SUPT3H: variants seen among roughly 807,000 people sequenced by gnomAD.
SUPT3H encodes the protein transcription initiation protein SPT3 homolog.
A neutral mutation model predicts 44.3 loss-of-function variants in SUPT3H; 44 were observed. That is an observed-to-expected ratio of 0.99 (90% CI 0.78 to 1.28). The LOEUF is 1.28. SUPT3H is among the 50% of genes most tolerant of loss of function. The probability of loss-of-function intolerance (pLI) is 0.00; values close to 1 mark genes in which losing one functional copy is unlikely to be tolerated. For missense variants in SUPT3H, 380 were observed against 387.1 expected (o/e 0.98, Z 0.15); for synonymous variants, 124 against 125.6 (o/e 0.99, Z 0.09).
At chr6:45,013,882 T>G (rs1181096845) in intron 5 of SUPT3H, among the ~76,000 whole-genome samples, 1 of 151,988 alleles carries the variant, frequency 6.6e-6, no homozygotes, top group Non-Finnish European at 1.5e-5. Context: ...TGAAGAGTGA[T>G]CATGTGAGCA....
rs531246328 is a variant in SUPT3H at position 44,826,874 on chromosome 6, TA to T, written c.*2941del. On this transcript the variant is annotated 3_prime_UTR_variant, in exon 11 of 11. Coordinates refer to ENST00000371459, the MANE Select transcript of SUPT3H (RefSeq NM_003599.4). The stretch of plus-strand genomic sequence containing the variant: ...AGATACAGGAATTATATACACCATT[TA>T]AAAAATATTTGTGCTTCTGATGGTT... Among the ~76,000 whole-genome samples the T allele has an allele frequency of 4.6e-4, 70 of 152,258 alleles. No homozygotes were observed. Among genetic ancestry groups the T allele is most frequent in the Non-Finnish European group, 9.0e-4 (61 of 67,998 alleles).
rs558315157 is a variant in SUPT3H at position 45,123,847 on chromosome 6, C to T, written c.102-17841G>A. 3.9e-5 allele frequency among the ~76,000 whole-genome samples: 6 copies of T among 152,314 alleles called. No homozygotes were observed. The East Asian group carries it at 1.2e-3, about 29-fold the overall frequency. The stretch of plus-strand genomic sequence containing the variant: ...TGCTGCACTAAAACTTATGAATGGT[C>T]ACTGCAATCTGAATTCTGCATCTCA... On this transcript the variant is annotated intron_variant, in intron 2 of 10. Coordinates refer to ENST00000371459, the MANE Select transcript of SUPT3H (RefSeq NM_003599.4).
chr6:45,191,407 C>T (rs1304405019), intron 2 of SUPT3H, among the ~76,000 whole-genome samples: 1 of 151,900 alleles, frequency 6.6e-6, no homozygotes, highest in East Asian at 1.9e-4. Flanking sequence ...GCCAGAAATT[C>T]AGAGGGAAGG....
intron 9 of SUPT3H, among the ~76,000 whole-genome samples, chr6:44,945,194 A>G (rs1490453826): frequency 1.3e-5 from 2 of 152,256 alleles, no homozygotes; most frequent in African/African-American, 4.8e-5. Context: ...AAATTTAATA[A>G]AAGTGTTTGT....
At chr6:44,821,370 A>G (rs9472371) in intron 11 of SUPT3H, among the ~76,000 whole-genome samples, 16,124 of 152,200 alleles carry the variant, frequency 0.11, 1,303 homozygotes, top group African/African-American at 0.22. Flanking sequence ...ATGATTTACA[A>G]AATAATCTTC....
At chr6:45,000,031 T>C (rs148193079) in intron 6 of SUPT3H, among the ~76,000 whole-genome samples, 2,664 of 152,046 alleles carry the variant, frequency 0.018, 50 homozygotes, top group South Asian at 0.086. Flanking sequence ...AGTGTATACA[T>C]GTATGTACAT....
chr6:45,070,721 G>A (rs1438545899), intron 3 of SUPT3H, among the ~76,000 whole-genome samples: 2 of 65,746 alleles, frequency 3.0e-5, no homozygotes, highest in African/African-American at 5.7e-5. Flanking sequence ...GGTAATAAGA[G>A]CAAAACTCTG....
chr6:45,016,751 C>T (rs1450431099), intron 4 of SUPT3H, among the ~76,000 whole-genome samples: 7 of 151,986 alleles, frequency 4.6e-5, no homozygotes, highest in African/African-American at 1.7e-4. Context: ...CATTGTTGGA[C>T]ATTTGGGTTG....
chr6:45,303,600 G>A (rs1782488737), intron 2 of SUPT3H, among the ~76,000 whole-genome samples: 1 of 149,296 alleles, frequency 6.7e-6, no homozygotes, highest in Non-Finnish European at 1.5e-5. Context: ...GCCATTTTTG[G>A]CCTATAAAGC....
At chr6:44,904,964 C>T (rs1253674087) in intron 10 of SUPT3H, among the ~76,000 whole-genome samples, 1 of 152,152 alleles carries the variant, frequency 6.6e-6, no homozygotes, top group Admixed American at 6.5e-5. Flanking sequence ...ACTGGCTGGC[C>T]ATATGTAGAA....
chr6:45,118,446 C>T lies in SUPT3H; in HGVS notation c.102-12440G>A, dbSNP rs575576238. ...CCCTAGCTTAGAGCCTTCACAGAAT[C>T]CTACAACTTTCAAACTCCTCTGTTT... On this transcript the variant is annotated intron_variant, in intron 2 of 10. Coordinates refer to ENST00000371459, the MANE Select transcript of SUPT3H (RefSeq NM_003599.4). Among the ~76,000 whole-genome samples, 9 of 152,156 alleles carry T rather than the reference C, an allele frequency of 5.9e-5. No individual in the cohort carries two copies. The South Asian group carries it at 1.9e-3, about 32-fold the overall frequency.
chr6:45,292,312 G>A (rs1780439564), intron 2 of SUPT3H, among the ~76,000 whole-genome samples: 1 of 151,822 alleles, frequency 6.6e-6, no homozygotes, highest in South Asian at 2.1e-4. Context: ...AATAAATCCT[G>A]GAAGCACATC....
At chr6:44,995,002 A>G (rs2153501034) in intron 6 of SUPT3H, among the ~76,000 whole-genome samples, 1 of 151,922 alleles carries the variant, frequency 6.6e-6, no homozygotes, top group Middle Eastern at 3.4e-3. Context: ...TTACATCATT[A>G]TTACTGCTCT....
chr6:44,837,635 T>G (rs1265808042), intron 10 of SUPT3H, among the ~76,000 whole-genome samples: 2 of 152,238 alleles, frequency 1.3e-5, no homozygotes, highest in African/African-American at 2.4e-5. Context: ...ATTTCTGGGC[T>G]TCTTCTTACT....
At chr6:45,278,990 T>C (rs1041163549) in intron 2 of SUPT3H, among the ~76,000 whole-genome samples, 1 of 152,196 alleles carries the variant, frequency 6.6e-6, no homozygotes, top group African/African-American at 2.4e-5. Context: ...TTGGATAATA[T>C]TTCTGAAAAA....
Position 44,963,983 on chromosome 6 carries a change from G to C in SUPT3H, c.505-2155C>G, listed in dbSNP as rs937379748. 1.0e-4 allele frequency among the ~76,000 whole-genome samples: 15 copies of C among 150,198 alleles called. No homozygotes were observed. The East Asian group carries it at 1.7e-3, about 17-fold the overall frequency. On this transcript the variant is annotated intron_variant, in intron 6 of 10. Transcript: ENST00000371459. ...ACTGCACTCCACCCTGGGAAACAGA[G>C]GGAGACTCCGTTTCAAAAAAAAAAA... is the stretch of plus-strand genomic sequence containing the variant.
intron 3 of SUPT3H, among the ~76,000 whole-genome samples, chr6:45,102,423 A>T (rs988779344): frequency 2.6e-5 from 4 of 152,164 alleles, no homozygotes; most frequent in Non-Finnish European, 5.9e-5. Context: ...AAAACATTTT[A>T]TGTCCAGCCA....
At chr6:44,921,433 G>C (rs1460699128) in intron 10 of SUPT3H, among the ~76,000 whole-genome samples, 1 of 152,122 alleles carries the variant, frequency 6.6e-6, no homozygotes, top group Non-Finnish European at 1.5e-5. Context: ...TTGCAAGCTG[G>C]TTGTGTGAAC....
chr6:44,868,876 G>GT (rs1245761327), intron 10 of SUPT3H, among the ~76,000 whole-genome samples: 3 of 152,196 alleles, frequency 2.0e-5, no homozygotes, highest in African/African-American at 7.2e-5. Flanking sequence ...GAATACCATG[G>GT]TTTTGCCTCT....
Sources: gnomAD v4.1 joint callset for allele counts (sites outside exome capture counted in the v4.1 genomes callset) on GRCh38, gnomAD v4.1.1 for gene constraint, MANE v1.5 for transcripts, NCBI Gene and HGNC (gene_info 2026-07-23, HGNC 2026-07-21) for gene names.